ERICH2: variants seen among roughly 807,000 people sequenced by gnomAD.
ERICH2 encodes glutamate-rich protein 2.
A neutral mutation model predicts 17.4 loss-of-function variants in ERICH2; 17 were observed. The ratio of observed to expected loss-of-function variants is 0.98; its 90% CI spans 0.67 to 1.47. ERICH2 has a LOEUF of 1.47. Ranked by LOEUF, ERICH2 falls within the 40% of genes most tolerant of loss-of-function variation. The pLI is 0.00. For missense variants in ERICH2, 186 were observed against 183.2 expected (o/e 1.01, Z -0.09); for synonymous variants, 51 against 61.1 (o/e 0.83, Z 0.77).
In ERICH2 at chr2:170,797,904, G is replaced by C. The variant is rs184259065; in HGVS notation, c.275-137G>C. 893 of 600,792 alleles carry C rather than the reference G, an allele frequency of 1.5e-3. 2 individuals are homozygous for C. Among genetic ancestry groups the C allele is most frequent in the Non-Finnish European group, 1.7e-3 (584 of 334,156 alleles). The allele number at this position is 600,792 out of a possible 1,614,324, so 37.2% of individuals were successfully genotyped here. A position where few individuals can be genotyped will look rare whatever the true frequency, so the allele number is the denominator to read the frequency against. The stretch of plus-strand genomic sequence containing the variant: ...TCTCTATTTGTACTCAGATATACCT[G>C]TGGTATAATTGTTAGTGTTTATTGC... On this transcript the variant is annotated intron_variant, in intron 3 of 4. Coordinates refer to ENST00000409885, the Ensembl canonical transcript of ERICH2.
intron 2 of ERICH2, among the ~76,000 whole-genome samples, chr2:170,789,372 A>G (rs1316383498): frequency 6.6e-6 from 1 of 152,218 alleles, no homozygotes; most frequent in Non-Finnish European, 1.5e-5. Flanking sequence ...TCAGTGTAAC[A>G]CTATATCCTT....
At chr2:170,790,255 G>A (rs954242397) in intron 2 of ERICH2, among the ~76,000 whole-genome samples, 1 of 152,202 alleles carries the variant, frequency 6.6e-6, no homozygotes, top group African/African-American at 2.4e-5. Flanking sequence ...CAGCACTTTG[G>A]GAGGCTAGGC....
the ERICH2 span, among the ~76,000 whole-genome samples, chr2:170,774,707 G>A: frequency 6.6e-6 from 1 of 151,816 alleles, no homozygotes; most frequent in Non-Finnish European, 1.5e-5. Flanking sequence ...GAGTAGCTGG[G>A]ACTACAGACT....
chr2:170,784,400 A>G (rs1212168561), intron 1 of ERICH2, among the ~76,000 whole-genome samples: 1 of 152,230 alleles, frequency 6.6e-6, no homozygotes, highest in Non-Finnish European at 1.5e-5. Flanking sequence ...GAAGTTGGCC[A>G]GTATATTTAA....
chr2:170,778,573 A>G, the ERICH2 span, among the ~76,000 whole-genome samples: 6 of 152,218 alleles, frequency 3.9e-5, no homozygotes, highest in African/African-American at 1.4e-4. Context: ...AGAGAAAGTA[A>G]TGTATAGCAA....
chr2:170,796,156 G>A (rs1575412549), intron 3 of ERICH2, among the ~76,000 whole-genome samples: 1 of 152,124 alleles, frequency 6.6e-6, no homozygotes, highest in East Asian at 1.9e-4. Context: ...GCATATTTTA[G>A]TCCAAGGTAA....
At chr2:170,797,455 G>A (rs2105728282) in intron 3 of ERICH2, among the ~76,000 whole-genome samples, 1 of 152,244 alleles carries the variant, frequency 6.6e-6, no homozygotes, top group South Asian at 2.1e-4. Flanking sequence ...TCCTATGAGG[G>A]AAGCTATATT....
intron 4 of ERICH2, 109 bp downstream of exon 9, chr2:170,798,221 A>G: frequency 1.3e-6 from 1 of 774,888 alleles, no homozygotes; most frequent in Non-Finnish European, 2.1e-6. Context: ...GTGGTTAAGA[A>G]AAGGCTAAAT....
intron 4 of ERICH2, 143 bp from the exon 10 acceptor site, chr2:170,798,627 C>A (rs1701487890): frequency 2.4e-6 from 2 of 842,448 alleles, no homozygotes; most frequent in Non-Finnish European, 3.6e-6. Context: ...TACCATTTGA[C>A]CCTAGTGCAG....
chr2:170,798,324 G>A (rs1010337084), intron 4 of ERICH2, among the ~76,000 whole-genome samples: 3 of 152,164 alleles, frequency 2.0e-5, no homozygotes, highest in African/African-American at 7.2e-5. Context: ...CCCGAGCAGA[G>A]CAGGCTCCCT....
At chr2:170,784,668 C>A in exon 2 of ERICH2, 2 of 1,526,960 alleles carry the variant, frequency 1.3e-6, no homozygotes, top group South Asian at 1.3e-5. Flanking sequence ...AAGATGCAGT[C>A]ATTGTAAAGC....
upstream of ERICH2, among the ~76,000 whole-genome samples, chr2:170,780,970 T>C (rs1172056613): frequency 6.6e-6 from 1 of 152,218 alleles, no homozygotes; most frequent in African/African-American, 2.4e-5. Flanking sequence ...GGATGCTTTC[T>C]GTCACAATTA....
the ERICH2 span, among the ~76,000 whole-genome samples, chr2:170,772,373 A>G: frequency 6.6e-6 from 1 of 152,320 alleles, no homozygotes; most frequent in South Asian, 2.1e-4. Context: ...CTGGCAGGAG[A>G]TGAGTGCTAC....
intron 3 of ERICH2, among the ~76,000 whole-genome samples, chr2:170,794,652 A>G (rs1701373795): frequency 1.3e-5 from 2 of 152,214 alleles, no homozygotes; most frequent in Non-Finnish European, 2.9e-5. Context: ...TAATACGTTA[A>G]AAAAGAGAAA....
At chr2:170,781,761 A>G (rs1701035388), upstream of ERICH2, among the ~76,000 whole-genome samples, 1 of 152,176 alleles carries the variant, frequency 6.6e-6, no homozygotes. Flanking sequence ...CTTCAAGTTT[A>G]AAGATTAAAA....
chr2:170,783,423 G>A (rs186057527), upstream of ERICH2, among the ~76,000 whole-genome samples: 234 of 152,140 alleles, frequency 1.5e-3, 1 homozygote, highest in Non-Finnish European at 2.6e-3. Flanking sequence ...GGTGGCGTGC[G>A]CCTGTAGTCC....
chr2:170,794,424 A>G (rs922047340), intron 3 of ERICH2, among the ~76,000 whole-genome samples: 2 of 151,514 alleles, frequency 1.3e-5, no homozygotes, highest in African/African-American at 4.9e-5. Context: ...TTTTATTTCT[A>G]TGTGTCAGTT....
intron 2 of ERICH2, among the ~76,000 whole-genome samples, chr2:170,791,981 A>G (rs577767118): frequency 6.6e-6 from 1 of 152,300 alleles, no homozygotes; most frequent in African/African-American, 2.4e-5. Context: ...ATATACCTGC[A>G]TGTGGTTCAG....
chr2:170,797,549 G>A (rs1701458108), intron 3 of ERICH2, among the ~76,000 whole-genome samples: 1 of 152,134 alleles, frequency 6.6e-6, no homozygotes, highest in South Asian at 2.1e-4. Context: ...TGTAATCCCA[G>A]CACTTTGGGA....
Sources: allele counts gnomAD v4.1 joint callset (sites outside exome capture counted in the v4.1 genomes callset), GRCh38; gene constraint gnomAD v4.1.1; transcripts MANE v1.5; gene names NCBI Gene and HGNC (gene_info 2026-07-23, HGNC 2026-07-21).